Variants in CDH2 observed in about 807,000 individuals in gnomAD.
CDH2 encodes cadherin 2, also known as cadherin-2.
In CDH2, 17 loss-of-function variants were observed where a neutral mutation model predicts 92.0. That is an observed-to-expected ratio of 0.18 (90% CI 0.13 to 0.28). The LOEUF is 0.28. CDH2 is among the 10% of genes least tolerant of loss of function. The pLI is 1.00. For synonymous variants in CDH2, 419 were observed against 415.9 expected (o/e 1.01, Z -0.09); for missense variants, 862 against 1,133.1 (o/e 0.76, Z 3.44).
chr18:28,076,616 G>A lies in CDH2; in HGVS notation c.173-62707C>T, dbSNP rs1241087837. Among the ~76,000 whole-genome samples, 3 of 151,570 alleles carry A rather than the reference G, an allele frequency of 2.0e-5. No homozygotes were observed. In the East Asian group the frequency reaches 5.8e-4, roughly 29 times the overall value. ...GCAGGTTTGTTACATATGTATACAT[G>A]TGCCATTTTCATGTGCTGCACCCAT... On this transcript the variant is annotated intron_variant, in intron 2 of 15. Transcript: ENST00000269141.
intron 7 of CDH2, among the ~76,000 whole-genome samples, chr18:27,995,095 G>T (rs941063631): frequency 1.3e-5 from 2 of 151,952 alleles, no homozygotes; most frequent in African/African-American, 4.8e-5. Context: ...GGCGGATCAT[G>T]AGGTCAGGAG....
At chr18:28,138,415 G>A (rs552874587) in intron 2 of CDH2, among the ~76,000 whole-genome samples, 33 of 152,132 alleles carry the variant, frequency 2.2e-4, no homozygotes, top group African/African-American at 5.8e-4. Flanking sequence ...TAGAAGTCCC[G>A]CATCTACATC....
intron 2 of CDH2, among the ~76,000 whole-genome samples, chr18:28,060,701 C>T (rs1015246017): frequency 5.9e-5 from 9 of 152,072 alleles, no homozygotes; most frequent in Admixed American, 1.3e-4. Flanking sequence ...TTTTGGGAGA[C>T]CATTTGGTAA....
chr18:27,971,833 T>C (rs2011668578), intron 14 of CDH2, among the ~76,000 whole-genome samples: 1 of 152,256 alleles, frequency 6.6e-6, no homozygotes, highest in Admixed American at 6.5e-5. Context: ...TCCACAGTTA[T>C]GTCCAGATTC....
chr18:28,146,756 T>G (rs1433631133), intron 2 of CDH2: 2 of 152,088 alleles, frequency 1.3e-5, no homozygotes, highest in African/African-American at 4.8e-5. Flanking sequence ...GTGGTAGAGC[T>G]CTGTGTAAAT....
At chr18:28,048,995 G>GC (rs2014136569) in intron 2 of CDH2, among the ~76,000 whole-genome samples, 1 of 152,112 alleles carries the variant, frequency 6.6e-6, no homozygotes, top group African/African-American at 2.4e-5. Flanking sequence ...ACCTAGAGCA[G>GC]CCACAAACTC....
At chr18:28,077,541 C>G (rs1442997355) in intron 2 of CDH2, among the ~76,000 whole-genome samples, 1 of 152,014 alleles carries the variant, frequency 6.6e-6, no homozygotes, top group African/African-American at 2.4e-5. Context: ...AAATAGAGGA[C>G]TAAGCAGAAA....
chr18:28,053,565 A>G (rs2144131168), intron 2 of CDH2, among the ~76,000 whole-genome samples: 1 of 152,298 alleles, frequency 6.6e-6, no homozygotes, highest in South Asian at 2.1e-4. Flanking sequence ...GCTGAGCTTT[A>G]GCTAGTCACT....
chr18:28,174,278 A>G (rs1031872218), intron 1 of CDH2, among the ~76,000 whole-genome samples: 4 of 152,230 alleles, frequency 2.6e-5, no homozygotes, highest in African/African-American at 9.6e-5. Context: ...TAGACTGTTA[A>G]TAGCAGCTGA....
intron 2 of CDH2, among the ~76,000 whole-genome samples, chr18:28,034,433 T>A (rs1048000676): frequency 9.5e-6 from 1 of 105,296 alleles, no homozygotes; most frequent in African/African-American, 3.1e-5. Context: ...TTTAAATATA[T>A]TTTTTTTCTG....
chr18:28,170,898 G>A (rs2016454146), intron 1 of CDH2, among the ~76,000 whole-genome samples: 1 of 150,466 alleles, frequency 6.6e-6, no homozygotes, highest in Non-Finnish European at 1.5e-5. Flanking sequence ...CCATGTGTTT[G>A]TCATAAATAC....
chr18:28,034,854 A>G (rs915328360), intron 2 of CDH2, among the ~76,000 whole-genome samples: 1 of 152,084 alleles, frequency 6.6e-6, no homozygotes, highest in African/African-American at 2.4e-5. Context: ...CCGTACTTCA[A>G]GTTCCAAATT....
intron 6 of CDH2, among the ~76,000 whole-genome samples, chr18:28,003,631 T>G (rs1332097447): frequency 6.6e-6 from 1 of 152,206 alleles, no homozygotes; most frequent in African/African-American, 2.4e-5. Flanking sequence ...ACTTTCCGAA[T>G]GTAGGCTGTG....
At chr18:28,030,269 G>GAA (rs144179522) in intron 2 of CDH2, among the ~76,000 whole-genome samples, 2 of 151,570 alleles carry the variant, frequency 1.3e-5, no homozygotes, top group African/African-American at 4.9e-5. Context: ...GACAATGACA[G>GAA]AAAAAAACAC....
At chr18:28,033,749 G>A (rs988016362) in intron 2 of CDH2, among the ~76,000 whole-genome samples, 1 of 152,030 alleles carries the variant, frequency 6.6e-6, no homozygotes, top group African/African-American at 2.4e-5. Context: ...AGAAAAATCA[G>A]ATTCATTCTA....
intron 2 of CDH2, among the ~76,000 whole-genome samples, chr18:28,036,157 G>C (rs896502020): frequency 3.3e-5 from 5 of 152,104 alleles, no homozygotes; most frequent in African/African-American, 4.8e-5. Flanking sequence ...ATTTGAAAAT[G>C]TATCTCTTGT....
downstream of CDH2, among the ~76,000 whole-genome samples, chr18:27,950,767 G>C (rs566979189): frequency 1.3e-5 from 2 of 152,126 alleles, no homozygotes; most frequent in Non-Finnish European, 2.9e-5. Flanking sequence ...TGAATCACTT[G>C]ATGTTTTTCT....
intron 2 of CDH2, among the ~76,000 whole-genome samples, chr18:28,023,138 T>G (rs1248695960): frequency 1.3e-5 from 2 of 152,206 alleles, no homozygotes; most frequent in African/African-American, 4.8e-5. Context: ...TTTATTTAGA[T>G]TCATATTTTC....
At chr18:28,158,569 C>T (rs2016256936) in intron 1 of CDH2, among the ~76,000 whole-genome samples, 1 of 152,210 alleles carries the variant, frequency 6.6e-6, no homozygotes, top group South Asian at 2.1e-4. Context: ...TGTCCCAGTG[C>T]TTTCCACTGC....
Sources: gnomAD v4.1 joint callset for allele counts (sites outside exome capture counted in the v4.1 genomes callset) on GRCh38, gnomAD v4.1.1 for gene constraint, MANE v1.5 for transcripts, NCBI Gene and HGNC (gene_info 2026-07-23, HGNC 2026-07-21) for gene names.